The following MYO1E variants were observed in gnomAD, a reference collection of about 807,000 sequenced individuals.
MYO1E encodes unconventional myosin-Ie.
In MYO1E, 68 loss-of-function variants were observed where a neutral mutation model predicts 151.1. The observed-to-expected ratio is 0.45, with a 90% CI of 0.37 to 0.55. The LOEUF (loss-of-function observed/expected upper bound fraction) is 0.55, where lower values mean the gene tolerates loss of function less well. Among genes scored for constraint, MYO1E ranks in the 20% least tolerant of loss-of-function variants. The pLI is 0.00. For missense variants in MYO1E, 1,363 were observed against 1,389.3 expected (o/e 0.98, Z 0.30); for synonymous variants, 601 against 501.7 (o/e 1.20, Z -2.64).
intron 3 of MYO1E, among the ~76,000 whole-genome samples, chr15:59,258,026 T>G (rs1318174107): frequency 6.6e-6 from 1 of 152,268 alleles, no homozygotes; most frequent in Non-Finnish European, 1.5e-5. Context: ...ATAAGATTTT[T>G]GGGCAGAAAA....
intron 1 of MYO1E, among the ~76,000 whole-genome samples, chr15:59,349,240 T>A (rs2080810671): frequency 1.3e-5 from 2 of 152,208 alleles, no homozygotes; most frequent in Admixed American, 1.3e-4. Flanking sequence ...CATATAAACA[T>A]CTTAGGTATA....
chr15:59,216,594 G>GTATCTATCTATCTATCTATCTATC (rs1290267352), intron 10 of MYO1E, among the ~76,000 whole-genome samples: 26 of 100,478 alleles, frequency 2.6e-4, no homozygotes, highest in African/African-American at 9.6e-4. Flanking sequence ...GTGTGTGTGT[G>GTATCTATCTATCTATCTATCTATC]TATCTATCTA....
chr15:59,311,508 G>T (rs1297751921), intron 1 of MYO1E, among the ~76,000 whole-genome samples: 1 of 152,148 alleles, frequency 6.6e-6, no homozygotes, highest in Non-Finnish European at 1.5e-5. Flanking sequence ...CCCTGCTCTA[G>T]AAGACCAGAA....
intron 1 of MYO1E, among the ~76,000 whole-genome samples, chr15:59,361,608 T>C (rs2140441028): frequency 6.6e-6 from 1 of 152,308 alleles, no homozygotes; most frequent in South Asian, 2.1e-4. Flanking sequence ...ATGTATTTTT[T>C]CATCTGAACT....
chr15:59,337,465 G>T (rs769730737), intron 1 of MYO1E, among the ~76,000 whole-genome samples: 1 of 152,080 alleles, frequency 6.6e-6, no homozygotes, highest in African/African-American at 2.4e-5. Flanking sequence ...CTACAATTTC[G>T]CATTTGGCAG....
chr15:59,268,720 A>ATGTTTTTTTTTTTTTTTTTTTTT (rs2080271280), intron 2 of MYO1E, among the ~76,000 whole-genome samples: 5 of 44,906 alleles, frequency 1.1e-4, no homozygotes, highest in Non-Finnish European at 2.4e-4. Context: ...TGACTTTGGT[A>ATGTTTTTTTTTTTTTTTTTTTTT]TTTTTTTTTT....
intron 18 of MYO1E, among the ~76,000 whole-genome samples, chr15:59,184,487 A>G (rs1261029781): frequency 1.3e-5 from 2 of 151,852 alleles, no homozygotes; most frequent in Non-Finnish European, 2.9e-5. Flanking sequence ...CAGCCTCCCA[A>G]GTAGCTGGCA....
chr15:59,360,254 G>A (rs1389329324), intron 1 of MYO1E, among the ~76,000 whole-genome samples: 2 of 152,054 alleles, frequency 1.3e-5, no homozygotes, highest in African/African-American at 4.8e-5. Flanking sequence ...ACGTCTTGAC[G>A]AGCCCACAGA....
At chr15:59,331,605 A>G (rs1302403703) in intron 1 of MYO1E, among the ~76,000 whole-genome samples, 3 of 152,228 alleles carry the variant, frequency 2.0e-5, no homozygotes, top group African/African-American at 7.2e-5. Flanking sequence ...AAAGGTATGT[A>G]GACACAGCAC....
At chr15:59,299,811 T>G (rs1317364413) in intron 1 of MYO1E, among the ~76,000 whole-genome samples, 1 of 152,196 alleles carries the variant, frequency 6.6e-6, no homozygotes, top group Admixed American at 6.5e-5. Context: ...CCAGCCCAAA[T>G]TCTGACGATA....
chr15:59,344,309 A>G (rs1213961671), intron 1 of MYO1E, among the ~76,000 whole-genome samples: 4 of 152,222 alleles, frequency 2.6e-5, no homozygotes, highest in Non-Finnish European at 5.9e-5. Context: ...GTAAGATCCA[A>G]AAGAACTCTC....
At chr15:59,152,702 G>A (rs1486936265) in intron 26 of MYO1E, among the ~76,000 whole-genome samples, 1 of 152,138 alleles carries the variant, frequency 6.6e-6, no homozygotes, top group East Asian at 1.9e-4. Flanking sequence ...TTACATTAGT[G>A]CTTAGACAAG....
intron 1 of MYO1E, among the ~76,000 whole-genome samples, chr15:59,307,441 C>T (rs1263926181): frequency 1.3e-5 from 2 of 152,204 alleles, no homozygotes; most frequent in African/African-American, 4.8e-5. Flanking sequence ...AGGGACAGAG[C>T]AAGAACCAGA....
chr15:59,178,495 TCC>T lies in MYO1E; in HGVS notation c.1945_1946del (p.Gly649ArgfsTer26). The T allele has an allele frequency of 6.2e-7, 1 of 1,614,136 alleles. No homozygotes were observed. The highest frequency in any genetic ancestry group is 8.5e-7 in the Non-Finnish European group (1 of 1,180,024). The stretch of plus-strand genomic sequence containing the variant: ...GGTGCAGGACGCCTTGCTTCTCCTC[TCC>T]CTGCCAAGAAGGCCAGGTGGCTTTG... The part of the protein sequence containing the change: ...LTKATWPSWQ[G>X]EEKQGVLHLL... On this transcript the variant is annotated frameshift_variant, in exon 19 of 28. Coordinates refer to ENST00000288235, the MANE Select transcript of MYO1E (RefSeq NM_004998.4). LOFTEE classifies it high-confidence loss of function.
intron 1 of MYO1E, among the ~76,000 whole-genome samples, chr15:59,316,977 C>A (rs1356905087): frequency 1.3e-5 from 2 of 152,152 alleles, no homozygotes; most frequent in Admixed American, 6.5e-5. Context: ...TATTTAGTAA[C>A]CTCAGTAGCC....
rs185412129 is a variant in MYO1E at position 59,172,279 on chromosome 15, C to G, written c.2335-237G>C. ...GGCTGAGGCAGGAGAATCGCTTTAA[C>G]CTGGGAGGTGGAGGTTGCAGTGAGC... On this transcript the variant is annotated intron_variant, in intron 21 of 27. Transcript: ENST00000288235. 1.5e-3 allele frequency among the ~76,000 whole-genome samples: 232 copies of G among 152,274 alleles called. 1 individual carries two copies. The highest frequency in any genetic ancestry group is 5.0e-3 in the African/African-American group (206 of 41,560).
chr15:59,231,062 A>C (rs1458083673), intron 6 of MYO1E, among the ~76,000 whole-genome samples: 3 of 152,234 alleles, frequency 2.0e-5, no homozygotes, highest in African/African-American at 7.2e-5. Context: ...ATGAGCATTC[A>C]TAACAATGCA....
chr15:59,341,831 G>A (rs1338467835), intron 1 of MYO1E, among the ~76,000 whole-genome samples: 2 of 152,188 alleles, frequency 1.3e-5, no homozygotes, highest in Admixed American at 1.3e-4. Context: ...AAACATGGGA[G>A]TGCAGCTATC....
chr15:59,290,829 A>G (rs1287069498), intron 1 of MYO1E, among the ~76,000 whole-genome samples: 1 of 152,210 alleles, frequency 6.6e-6, no homozygotes, highest in East Asian at 1.9e-4. Context: ...CTGGTAGTAA[A>G]TGCTGGGTTC....
Sources: gnomAD v4.1 joint callset for allele counts (sites outside exome capture counted in the v4.1 genomes callset) on GRCh38, gnomAD v4.1.1 for gene constraint, MANE v1.5 for transcripts, NCBI Gene and HGNC (gene_info 2026-07-23, HGNC 2026-07-21) for gene names.